MORN5: variants seen among roughly 807,000 people sequenced by gnomAD.
MORN5 encodes the protein MORN repeat containing 5, also known as MORN repeat-containing protein 5.
MORN5 carries 21 observed loss-of-function variants against 22.1 expected under a neutral mutation model. The observed-to-expected ratio is 0.95, with a 90% CI of 0.67 to 1.37. The LOEUF (loss-of-function observed/expected upper bound fraction) is 1.37. Among genes scored for constraint, MORN5 ranks in the 40% most tolerant of loss-of-function variants. The pLI, the probability that MORN5 is intolerant of heterozygous loss-of-function variation, is 0.00. For missense variants in MORN5, 211 were observed against 215.1 expected (o/e 0.98, Z 0.12); for synonymous variants, 73 against 74.0 (o/e 0.99, Z 0.07).
At chr9:122,181,046 T>A (rs1829531337) in intron 4 of MORN5, among the ~76,000 whole-genome samples, 1 of 152,230 alleles carries the variant, frequency 6.6e-6, no homozygotes, top group Admixed American at 6.5e-5. Flanking sequence ...ATAGACAACT[T>A]ATGATTTTGA....
chr9:122,165,018 T>C (rs966995654), intron 1 of MORN5, among the ~76,000 whole-genome samples: 7 of 152,190 alleles, frequency 4.6e-5, no homozygotes, highest in African/African-American at 1.7e-4. Flanking sequence ...AAAGAAGCTT[T>C]TCTTAAATAC....
chr9:122,177,571 T>C (rs1171026351), intron 4 of MORN5, among the ~76,000 whole-genome samples: 1 of 152,206 alleles, frequency 6.6e-6, no homozygotes, highest in Non-Finnish European at 1.5e-5. Flanking sequence ...TAGCTGGGAT[T>C]ACAGGCACCT....
chr9:122,167,001 T>A, intron 2 of MORN5, 86 bp downstream of exon 2: 1 of 1,327,568 alleles, frequency 7.5e-7, no homozygotes, highest in Non-Finnish European at 1.0e-6. Flanking sequence ...CCTCCCTGTC[T>A]GGTGCCCACC....
At position 122,197,112 on chromosome 9, in the gene MORN5, C is replaced by T. The variant is rs1457124688; in HGVS notation, c.440-2773C>T. Among the ~76,000 whole-genome samples the T allele has an allele frequency of 6.6e-6, 1 of 152,148 alleles. No homozygotes were observed. The highest frequency in any genetic ancestry group is 1.5e-5 in the Non-Finnish European group (1 of 68,028). On this transcript the variant is annotated intron_variant, in intron 4 of 4. Coordinates refer to ENST00000373764, the MANE Select transcript of MORN5 (RefSeq NM_198469.4). The surrounding 1 kb of genome is among the most constrained non-coding windows in gnomAD (Gnocchi z 5.7). ...TAGATTATCCCTTTAAGAATAGTGT[C>T]CCAGAGTGGAATTACCGGGCCAACA...
At chr9:122,199,813 TG>T in intron 4 of MORN5, 71 bp from the exon 5 acceptor site, 2 of 1,531,928 alleles carry the variant, frequency 1.3e-6, no homozygotes, top group Non-Finnish European at 1.8e-6. Context: ...ACGCCCCACC[TG>T]GGGAACCCCC....
chr9:122,169,566 C>A (rs1829336900), intron 2 of MORN5, 79 bp from the exon 3 acceptor site: 2 of 895,440 alleles, frequency 2.2e-6, no homozygotes, highest in African/African-American at 1.6e-5. Context: ...GAAAGGCCCC[C>A]ACTTCCCTTG....
In MORN5 at chr9:122,184,856, A is replaced by G. The variant is rs139861211; in HGVS notation, c.439+10229A>G. On this transcript the variant is annotated intron_variant, in intron 4 of 4. Transcript: ENST00000373764. Reference sequence around the variant, plus strand: ...CAGGTCCAGCTGACTTCAAAGCTAAAGACAATGTTAGAGCTGACTTTGAAT... The same window carrying G: ...CAGGTCCAGCTGACTTCAAAGCTAAGGACAATGTTAGAGCTGACTTTGAAT... Among the ~76,000 whole-genome samples the G allele has an allele frequency of 1.5e-3, 224 of 152,340 alleles. 1 individual carries two copies. Among genetic ancestry groups the G allele is most frequent in the African/African-American group, 5.1e-3 (211 of 41,570 alleles).
intron 1 of MORN5, among the ~76,000 whole-genome samples, chr9:122,163,231 G>A (rs1829228678): frequency 6.6e-6 from 1 of 152,140 alleles, no homozygotes; most frequent in South Asian, 2.1e-4. Flanking sequence ...CTGTGCTCTG[G>A]GTGGCTTTGC....
Position 122,197,380 on chromosome 9 carries a change from C to T in MORN5, c.440-2505C>T, listed in dbSNP as rs1829916283. ...AACATATTCCAACAATCGCAATTTG[C>T]AAAATAGTAATCACAACTCCCAGGA... is the stretch of plus-strand genomic sequence containing the variant. On this transcript the variant is annotated intron_variant, in intron 4 of 4. Coordinates refer to ENST00000373764, the MANE Select transcript of MORN5 (RefSeq NM_198469.4). The surrounding 1 kb of genome is among the most constrained non-coding windows in gnomAD (Gnocchi z 5.7). Among the ~76,000 whole-genome samples the T allele has an allele frequency of 6.6e-6, 1 of 152,134 alleles. No homozygotes were observed. The highest frequency in any genetic ancestry group is 2.1e-4 in the South Asian group (1 of 4,826).
intron 2 of MORN5, among the ~76,000 whole-genome samples, chr9:122,169,428 G>A (rs1829334560): frequency 6.6e-6 from 1 of 152,176 alleles, no homozygotes; most frequent in African/African-American, 2.4e-5. Context: ...GTCTGCCCAA[G>A]TTCATCTGCC....
At chr9:122,164,599 C>A (rs765184308) in intron 1 of MORN5, 136 of 985,350 alleles carry the variant, frequency 1.4e-4, no homozygotes, top group Non-Finnish European at 1.5e-4. Context: ...CTGTTTTAGG[C>A]GAGTTGGAGA....
rs768542638 is a variant in MORN5, at chr9:122,174,483, A to G, written c.308-13A>G. The G allele has an allele frequency of 7.4e-6, 12 of 1,613,234 alleles. No homozygotes were observed. In the South Asian group the frequency reaches 1.1e-4, roughly 15 times the overall value. On this transcript the variant is annotated splice_polypyrimidine_tract_variant and intron_variant, in intron 3 of 4. Coordinates refer to ENST00000373764, the MANE Select transcript of MORN5 (RefSeq NM_198469.4). ...CTTCATGGTGAACTAATTGCCCATT[A>G]TGTTCTTTCAAGGTATGGCTCAACT...
chr9:122,175,526 C>T (rs1588305441), intron 4 of MORN5: 1 of 985,408 alleles, frequency 1.0e-6, no homozygotes, highest in South Asian at 4.7e-5. Flanking sequence ...CACACTCCCA[C>T]TAGGAATATC....
intron 4 of MORN5, among the ~76,000 whole-genome samples, chr9:122,196,699 A>C (rs1222424483): frequency 1.3e-5 from 2 of 152,236 alleles, no homozygotes; most frequent in Non-Finnish European, 2.9e-5. Flanking sequence ...TTTGGGAAAT[A>C]AAAGCGGAAA....
intron 2 of MORN5, among the ~76,000 whole-genome samples, chr9:122,168,301 A>G (rs1371821781): frequency 6.6e-6 from 1 of 152,204 alleles, no homozygotes; most frequent in African/African-American, 2.4e-5. Flanking sequence ...ACCTAATCCA[A>G]GGATTCTTAC....
chr9:122,174,687 C>T (rs1474427263), intron 4 of MORN5, 60 bp downstream of exon 4: 2 of 1,611,960 alleles, frequency 1.2e-6, no homozygotes, highest in East Asian at 2.2e-5. Flanking sequence ...GTATGTGCAT[C>T]TGTATGTACA....
intron 1 of MORN5, among the ~76,000 whole-genome samples, chr9:122,162,933 C>G (rs568302452): frequency 1.9e-4 from 29 of 151,730 alleles, no homozygotes; most frequent in African/African-American, 6.8e-4. Context: ...CAAAACGTGT[C>G]AAATTGTACA....
intron 4 of MORN5, among the ~76,000 whole-genome samples, chr9:122,191,703 A>C (rs1440189891): frequency 6.6e-6 from 1 of 152,260 alleles, no homozygotes; most frequent in Non-Finnish European, 1.5e-5. Context: ...AAGAGCAGGC[A>C]GAGCCCAGCC....
At position 122,169,641 on chromosome 9, in the gene MORN5, C is replaced by A. The variant is rs775274692; in HGVS notation, c.196-4C>A. 1 of 1,605,588 alleles carries A rather than the reference C, an allele frequency of 6.2e-7. No individual in the cohort carries two copies. Among genetic ancestry groups the A allele is most frequent in the East Asian group, 2.2e-5 (1 of 44,848 alleles). ...GATGCACGTGTGTGCTCCTTGTCTT[C>A]CAGGGCACATATACGTTCTCAGATG... On this transcript the variant is annotated splice_polypyrimidine_tract_variant and splice_region_variant and intron_variant, in intron 2 of 4. Coordinates refer to ENST00000373764, the MANE Select transcript of MORN5 (RefSeq NM_198469.4).
Sources: allele counts gnomAD v4.1 joint callset (sites outside exome capture counted in the v4.1 genomes callset), GRCh38; gene constraint gnomAD v4.1.1; non-coding constraint Gnocchi (gnomAD v3.1); transcripts MANE v1.5; gene names NCBI Gene and HGNC (gene_info 2026-07-23, HGNC 2026-07-21).